Variants in SGCD observed in about 807,000 individuals in gnomAD.
SGCD encodes sarcoglycan delta, also known as delta-sarcoglycan.
A neutral mutation model predicts 36.6 loss-of-function variants in SGCD; 18 were observed. The observed-to-expected ratio is 0.49, with a 90% CI of 0.34 to 0.73. The LOEUF is 0.73. SGCD is among the 30% of genes least tolerant of loss of function. SGCD has a pLI of 0.01. For synonymous variants in SGCD, 133 were observed against 130.6 expected (o/e 1.02, Z -0.12); for missense variants, 387 against 346.7 (o/e 1.12, Z -0.92).
intron 3 of SGCD, among the ~76,000 whole-genome samples, chr5:156,187,116 G>T (rs1330995985): frequency 6.6e-6 from 1 of 152,048 alleles, no homozygotes; most frequent in Non-Finnish European, 1.5e-5. Flanking sequence ...AATCTTACTA[G>T]ATTAGTTCTA....
chr5:156,080,655 C>A (rs1410407118), intron 1 of SGCD, among the ~76,000 whole-genome samples: 1 of 152,182 alleles, frequency 6.6e-6, no homozygotes, highest in Non-Finnish European at 1.5e-5. Flanking sequence ...TTCCACAGAT[C>A]CCTAGGGCAT....
intron 3 of SGCD, among the ~76,000 whole-genome samples, chr5:156,482,590 G>A (rs1755479229): frequency 6.6e-6 from 1 of 152,064 alleles, no homozygotes; most frequent in South Asian, 2.1e-4. Context: ...GTTCTCTTTA[G>A]AAAAATGATC....
At chr5:156,706,108 T>C (rs569273542) in intron 7 of SGCD, among the ~76,000 whole-genome samples, 52 of 152,322 alleles carry the variant, frequency 3.4e-4, no homozygotes, top group Non-Finnish European at 6.3e-4. Flanking sequence ...TCTGGATATA[T>C]AATTTCAAAT....
chr5:156,757,822 G>C, intron 8 of SGCD, 118 bp downstream of exon 8: 1 of 1,364,404 alleles, frequency 7.3e-7, no homozygotes, highest in Non-Finnish European at 9.5e-7. Flanking sequence ...GAGCCAAGCA[G>C]GTTTTATTTC....
intron 3 of SGCD, among the ~76,000 whole-genome samples, chr5:156,345,608 T>A (rs1036584112): frequency 2.6e-5 from 4 of 152,118 alleles, no homozygotes; most frequent in African/African-American, 7.2e-5. Flanking sequence ...GGAGGATCAC[T>A]TGAGTCCAGG....
intron 1 of SGCD, among the ~76,000 whole-genome samples, chr5:156,054,038 T>A (rs1006523132): frequency 6.9e-6 from 1 of 145,576 alleles, no homozygotes; most frequent in African/African-American, 2.5e-5. Flanking sequence ...CAGGTTCCGA[T>A]ATATGAAATG....
chr5:156,189,802 G>A (rs902157264), intron 3 of SGCD, among the ~76,000 whole-genome samples: 5 of 152,140 alleles, frequency 3.3e-5, no homozygotes, highest in South Asian at 2.1e-4. Context: ...GTATTAAAGC[G>A]CCTTGTGACA....
rs939432228 is a variant in SGCD at position 156,458,485 on chromosome 5, C to T, written c.193-50116C>T. On this transcript the variant is annotated intron_variant, in intron 3 of 8. Coordinates refer to ENST00000337851, the MANE Select transcript of SGCD (RefSeq NM_000337.6). ...GGCAGCTCATCCCCAACACAGTCAG[C>T]AAATGACAAGGGCTTCGTTAACCTA... is the stretch of plus-strand genomic sequence containing the variant. 5.0e-6 allele frequency: 8 copies of T among 1,608,420 alleles called. No individual in the cohort carries two copies. In the Admixed American group the frequency reaches 1.0e-4, roughly 20 times the overall value.
Position 156,306,680 on chromosome 5 carries a change from C to T in SGCD, c.-43-22854C>T, listed in dbSNP as rs115106966. Among the ~76,000 whole-genome samples, 326 of 152,244 alleles carry T rather than the reference C, an allele frequency of 2.1e-3. 2 individuals are homozygous for T. The highest frequency in any genetic ancestry group is 7.4e-3 in the African/African-American group (309 of 41,528). ...ATCTTTTATACCTTCTTCAGTGCCT[C>T]CTTTCTTGCTATTATGTTAAAACCA... On this transcript the variant is annotated intron_variant, in intron 3 of 9. Transcript: ENST00000517913.
intron 7 of SGCD, among the ~76,000 whole-genome samples, chr5:156,731,897 T>G (rs1337728471): frequency 1.3e-5 from 2 of 152,160 alleles, no homozygotes; most frequent in South Asian, 4.2e-4. Flanking sequence ...TTCCTGGGTA[T>G]TTTATTATTT....
At chr5:156,481,462 G>A (rs1299251462) in intron 3 of SGCD, among the ~76,000 whole-genome samples, 1 of 152,158 alleles carries the variant, frequency 6.6e-6, no homozygotes, top group Non-Finnish European at 1.5e-5. Context: ...CATAATCTAA[G>A]TGTCTTAGTT....
chr5:156,218,388 T>C (rs956533825), intron 3 of SGCD, among the ~76,000 whole-genome samples: 3 of 152,200 alleles, frequency 2.0e-5, no homozygotes, highest in Admixed American at 2.0e-4. Context: ...ACTTAAAGTC[T>C]TGAAGGAAAG....
At chr5:156,131,770 T>C (rs1376197302) in intron 3 of SGCD, among the ~76,000 whole-genome samples, 2 of 152,238 alleles carry the variant, frequency 1.3e-5, no homozygotes, top group African/African-American at 2.4e-5. Flanking sequence ...TGTTATGCTT[T>C]ATCTGTCCAG....
chr5:156,522,015 A>G (rs1757431563), intron 4 of SGCD, among the ~76,000 whole-genome samples: 3 of 152,224 alleles, frequency 2.0e-5, no homozygotes, highest in Non-Finnish European at 4.4e-5. Context: ...CTATGCAGCC[A>G]TAAAAAAGGA....
intron 3 of SGCD, among the ~76,000 whole-genome samples, chr5:156,268,227 A>G (rs1048100746): frequency 2.0e-5 from 3 of 152,120 alleles, no homozygotes; most frequent in East Asian, 1.9e-4. Flanking sequence ...TCTTTATCCA[A>G]TCTGGCATTG....
chr5:156,597,441 G>A (rs1760971530), intron 6 of SGCD, among the ~76,000 whole-genome samples: 1 of 152,204 alleles, frequency 6.6e-6, no homozygotes, highest in Admixed American at 6.5e-5. Context: ...ATGGAGGCAG[G>A]CAAGAGAGCA....
At chr5:155,733,153 C>T in the SGCD span, among the ~76,000 whole-genome samples, 1 of 152,016 alleles carries the variant, frequency 6.6e-6, no homozygotes. Context: ...CAATGTGTCA[C>T]TATGTCAAAA....
chr5:156,500,711 A>G (rs1756408982), intron 3 of SGCD, among the ~76,000 whole-genome samples: 1 of 152,202 alleles, frequency 6.6e-6, no homozygotes, highest in Non-Finnish European at 1.5e-5. Context: ...TTCTGAATAA[A>G]CATATGCACT....
chr5:156,068,122 TTTATG>T (rs201856900), intron 1 of SGCD, among the ~76,000 whole-genome samples: 24,523 of 151,198 alleles, frequency 0.16, 2,114 homozygotes, highest in Middle Eastern at 0.22. Flanking sequence ...TTTATTTTAT[TTTATG>T]TTATTTTATT....
Sources: allele counts gnomAD v4.1 joint callset (sites outside exome capture counted in the v4.1 genomes callset), GRCh38; gene constraint gnomAD v4.1.1; transcripts MANE v1.5; gene names NCBI Gene and HGNC (gene_info 2026-07-23, HGNC 2026-07-21).